Variants in PSMC1 observed in about 807,000 individuals in gnomAD.
PSMC1 encodes the protein proteasome 26S subunit, ATPase 1, also known as 26S proteasome regulatory subunit 4.
PSMC1 carries 5 observed loss-of-function variants against 49.8 expected under a neutral mutation model. That is an observed-to-expected ratio of 0.10 (90% CI 0.05 to 0.21). PSMC1 has a LOEUF of 0.21. PSMC1 is among the 10% of genes least tolerant of loss of function. The pLI, the probability that PSMC1 is intolerant of heterozygous loss-of-function variation, is 1.00. For synonymous variants in PSMC1, 155 were observed against 192.1 expected, an observed-to-expected ratio of 0.81 and a Z score of 1.60; for missense variants, 181 against 535.7, an observed-to-expected ratio of 0.34 and a Z score of 6.54.
chr14:90,264,721 C>G (rs964227529), intron 6 of PSMC1, among the ~76,000 whole-genome samples: 2 of 152,194 alleles, frequency 1.3e-5, no homozygotes, highest in Non-Finnish European at 2.9e-5. Context: ...TAGATGGGAA[C>G]AGCCATCAGG....
chr14:90,268,572 C>G (rs1485429961), intron 8 of PSMC1, 159 bp downstream of exon 8: 1 of 670,616 alleles, frequency 1.5e-6, no homozygotes, highest in East Asian at 2.7e-5. Flanking sequence ...CAGGAGCCAG[C>G]TAACAACTGC....
intron 3 of PSMC1, among the ~76,000 whole-genome samples, chr14:90,262,301 A>C (rs1566672136): frequency 6.6e-6 from 1 of 152,056 alleles, no homozygotes; most frequent in Non-Finnish European, 1.5e-5. Context: ...GTATAATAAT[A>C]ATAAAATTAA....
At position 90,264,999 on chromosome 14, in the gene PSMC1, T is replaced by C. The variant is rs548622105; in HGVS notation, c.595-71T>C. 1.4e-4 allele frequency: 163 copies of C among 1,130,964 alleles called. 2 individuals are homozygous for C. In the South Asian group the frequency reaches 1.8e-3, roughly 13 times the overall value. 70.1% of individuals were successfully genotyped at this position (1,130,964 alleles called of 1,614,324 possible). A position where few individuals can be genotyped will look rare whatever the true frequency, so the allele number is the denominator to read the frequency against. On this transcript the variant is annotated intron_variant, in intron 6 of 10. Coordinates refer to ENST00000261303, the MANE Select transcript of PSMC1 (RefSeq NM_002802.3). ...ACTTATTTTTGTTGAAAGCAAGATATTGTCATGTTGCCAATTAGTAAATAT... is the reference window on the plus strand; with the variant it reads ...ACTTATTTTTGTTGAAAGCAAGATACTGTCATGTTGCCAATTAGTAAATAT...
intron 3 of PSMC1, among the ~76,000 whole-genome samples, chr14:90,260,747 A>C (rs1429188443): frequency 6.6e-6 from 1 of 152,132 alleles, no homozygotes; most frequent in East Asian, 1.9e-4. Flanking sequence ...AGAAAAAAAA[A>C]CAAAAAAGTC....
chr14:90,272,266 C>A lies in PSMC1; in HGVS notation c.1189-7C>A. 1.9e-6 allele frequency: 3 copies of A among 1,602,016 alleles called. No individual in the cohort carries two copies. Among genetic ancestry groups the A allele is most frequent in the Non-Finnish European group, 2.5e-6 (3 of 1,177,680 alleles). On this transcript the variant is annotated splice_polypyrimidine_tract_variant and splice_region_variant and intron_variant, in intron 10 of 10. Coordinates refer to ENST00000261303, the MANE Select transcript of PSMC1 (RefSeq NM_002802.3). This position sits in a 1 kb window ranked among gnomAD's most constrained non-coding sequence, Gnocchi z 4.5. ...TCACTTTCTGAACACACTCTTCTTT[C>A]TTACAGGCAATCTGTACAGAAGCTG...
chr14:90,264,241 G>A (rs1478902062), intron 6 of PSMC1, 72 bp downstream of exon 6: 8 of 1,582,054 alleles, frequency 5.1e-6, no homozygotes, highest in African/African-American at 2.7e-5. Flanking sequence ...TACTTTGCAG[G>A]TGTTTTGTAT....
chr14:90,263,457 T>C lies in PSMC1; in HGVS notation c.279+15T>C, dbSNP rs756578248. The C allele has an allele frequency of 7.7e-6, 12 of 1,561,382 alleles. No homozygotes were observed. The highest frequency in any genetic ancestry group is 4.2e-5 in the African/African-American group (3 of 72,106). On this transcript the variant is annotated intron_variant, in intron 4 of 10. Coordinates refer to ENST00000261303, the MANE Select transcript of PSMC1 (RefSeq NM_002802.3). ...AAAAGCAAGAGGTAAGTTGAAAAGTTACTATCATTTTCTTTTTTACAAATT... is the reference window on the plus strand; with the variant it reads ...AAAAGCAAGAGGTAAGTTGAAAAGTCACTATCATTTTCTTTTTTACAAATT...
At chr14:90,269,631 G>A in intron 9 of PSMC1, 83 bp downstream of exon 9, 1 of 1,473,326 alleles carries the variant, frequency 6.8e-7, no homozygotes, top group Non-Finnish European at 9.2e-7. Flanking sequence ...CCTATAAAAT[G>A]ATACATAAAA....
chr14:90,264,567 G>A (rs2401877), intron 6 of PSMC1, among the ~76,000 whole-genome samples: 145,329 of 152,266 alleles, frequency 0.95, 69,690 homozygotes, highest in East Asian at 1. Flanking sequence ...CAGCAGCCCT[G>A]GGGGCTGGAC....
chr14:90,272,220 G>A lies in PSMC1; in HGVS notation c.1189-53G>A. ...CAGAATAGGTTTTTTGGAATTCCTT[G>A]TTAGAATAAAAATGAGTATGTCACT... On this transcript the variant is annotated intron_variant, in intron 10 of 10. Coordinates refer to ENST00000261303, the MANE Select transcript of PSMC1 (RefSeq NM_002802.3). This position sits in a 1 kb window ranked among gnomAD's most constrained non-coding sequence, Gnocchi z 4.5. The A allele has an allele frequency of 6.3e-7, 1 of 1,589,914 alleles. No homozygotes were observed. Among genetic ancestry groups the A allele is most frequent in the Non-Finnish European group, 8.5e-7 (1 of 1,172,106 alleles).
chr14:90,258,593 GC>G (rs1363857969), intron 1 of PSMC1, among the ~76,000 whole-genome samples: 1 of 152,336 alleles, frequency 6.6e-6, no homozygotes, highest in East Asian at 1.9e-4. Context: ...AGGTGATGGA[GC>G]TTTTCAGATT....
At chr14:90,263,614 T>C in intron 4 of PSMC1, 48 bp from the exon 5 acceptor site, 1 of 1,583,892 alleles carries the variant, frequency 6.3e-7, no homozygotes, top group Admixed American at 1.7e-5. Flanking sequence ...CAGGATCATC[T>C]ACTTTGAGGT....
chr14:90,259,554 AC>A lies in PSMC1; in HGVS notation c.57+344del, dbSNP rs1891356268. Among the ~76,000 whole-genome samples the A allele has an allele frequency of 2.0e-5, 3 of 152,152 alleles. 1 individual carries two copies. Among genetic ancestry groups the A allele is most frequent in the Admixed American group, 2.0e-4 (3 of 15,262 alleles). On this transcript the variant is annotated intron_variant, in intron 2 of 10. Coordinates refer to ENST00000261303, the MANE Select transcript of PSMC1 (RefSeq NM_002802.3). ...CTTTTGGCATATAACTTGATTCTTA[AC>A]CCTCTATACCTTATTGGAATAATAT...
At chr14:90,262,737 T>G (rs1169331784) in intron 3 of PSMC1, among the ~76,000 whole-genome samples, 1 of 150,654 alleles carries the variant, frequency 6.6e-6, no homozygotes, top group African/African-American at 2.4e-5. Context: ...TGAGCTGAGA[T>G]CGCGCCGCTG....
chr14:90,271,316 A>G (rs748737676), intron 10 of PSMC1: 2 of 152,218 alleles, frequency 1.3e-5, no homozygotes, highest in Non-Finnish European at 2.9e-5. Context: ...AAAGAAAACA[A>G]TAACAGTAAC....
At chr14:90,257,770 T>C (rs1234889086) in intron 1 of PSMC1, among the ~76,000 whole-genome samples, 1 of 152,192 alleles carries the variant, frequency 6.6e-6, no homozygotes. Flanking sequence ...TTTTTGTATT[T>C]TTGTAGAGAC....
chr14:90,262,543 G>A (rs1351532016), intron 3 of PSMC1, among the ~76,000 whole-genome samples: 1 of 152,184 alleles, frequency 6.6e-6, no homozygotes, highest in Non-Finnish European at 1.5e-5. Flanking sequence ...CCAGCACTTT[G>A]GGAGGCTGAG....
At position 90,273,132 on chromosome 14, in the gene PSMC1, T is replaced by C. The variant is rs1176909112; in HGVS notation, c.*725T>C. ...TCTGAACAAATCAGGCCTAAAGCTA[T>C]TAAGTGGGACAGATCAAGGTAAGCG... On this transcript the variant is annotated 3_prime_UTR_variant, in exon 11 of 11. Coordinates refer to ENST00000261303, the MANE Select transcript of PSMC1 (RefSeq NM_002802.3). 1 of 152,182 alleles carries C rather than the reference T, an allele frequency of 6.6e-6. No individual in the cohort carries two copies. The highest frequency in any genetic ancestry group is 6.5e-5 in the Admixed American group (1 of 15,278). 9.4% of individuals were successfully genotyped at this position (152,182 alleles called of 1,614,324 possible).
At chr14:90,267,049 C>T (rs1380650012) in intron 7 of PSMC1, among the ~76,000 whole-genome samples, 1 of 152,184 alleles carries the variant, frequency 6.6e-6, no homozygotes, top group Non-Finnish European at 1.5e-5. Context: ...TGTCAAGGTC[C>T]TCACTGACCA....
Sources: gnomAD v4.1 joint callset for allele counts (sites outside exome capture counted in the v4.1 genomes callset) on GRCh38, gnomAD v4.1.1 for gene constraint, Gnocchi (gnomAD v3.1) non-coding constraint, MANE v1.5 for transcripts, NCBI Gene and HGNC (gene_info 2026-07-23, HGNC 2026-07-21) for gene names.